Variants in HECW2 observed in about 807,000 individuals in gnomAD.
The protein encoded by HECW2 is HECT, C2 and WW domain containing E3 ubiquitin protein ligase 2.
A neutral mutation model predicts 175.2 loss-of-function variants in HECW2; 61 were observed. That is an observed-to-expected ratio of 0.35 (90% CI 0.28 to 0.43). HECW2 has a LOEUF of 0.43. Among genes scored for constraint, HECW2 ranks in the 20% least tolerant of loss-of-function variants. The pLI, the probability that HECW2 is intolerant of heterozygous loss-of-function variation, is 1.00. For missense variants in HECW2, 1,524 were observed against 2,000.5 expected, an observed-to-expected ratio of 0.76 and a Z score of 4.54; for synonymous variants, 671 against 731.0, an observed-to-expected ratio of 0.92 and a Z score of 1.32.
At chr2:196,568,005 AAAGT>A (rs1399108326) in intron 1 of HECW2, among the ~76,000 whole-genome samples, 5 of 152,174 alleles carry the variant, frequency 3.3e-5, no homozygotes, top group Admixed American at 2.6e-4. Flanking sequence ...ATCTAAAAAT[AAAGT>A]AATTAATAAA....
intron 2 of HECW2, among the ~76,000 whole-genome samples, chr2:196,432,056 G>A (rs1476612210): frequency 2.0e-5 from 3 of 152,204 alleles, no homozygotes; most frequent in African/African-American, 7.2e-5. Flanking sequence ...CACTGTGGAG[G>A]GAGGCTGTCC....
At chr2:196,432,491 T>A (rs907665584) in intron 2 of HECW2, among the ~76,000 whole-genome samples, 1 of 152,254 alleles carries the variant, frequency 6.6e-6, no homozygotes, top group African/African-American at 2.4e-5. Flanking sequence ...GTTTCATTCA[T>A]CGCTCACTCA....
intron 1 of HECW2, among the ~76,000 whole-genome samples, chr2:196,537,654 G>C (rs1054292179): frequency 6.6e-6 from 1 of 152,110 alleles, no homozygotes; most frequent in African/African-American, 2.4e-5. Context: ...TTGCTGGGCT[G>C]CATTCTCAGA....
intron 2 of HECW2, among the ~76,000 whole-genome samples, chr2:196,377,297 T>C (rs1403643521): frequency 6.6e-6 from 1 of 152,236 alleles, no homozygotes; most frequent in Non-Finnish European, 1.5e-5. Flanking sequence ...AACAATTGTA[T>C]TCTTGATATA....
intron 1 of HECW2, among the ~76,000 whole-genome samples, chr2:196,519,613 A>G (rs1262685671): frequency 6.6e-6 from 1 of 152,250 alleles, no homozygotes; most frequent in East Asian, 1.9e-4. Context: ...GCAAAAAGGT[A>G]AAAGCTTCCC....
intron 18 of HECW2, among the ~76,000 whole-genome samples, chr2:196,255,927 G>T (rs1287275693): frequency 6.6e-6 from 1 of 152,016 alleles, no homozygotes; most frequent in Non-Finnish European, 1.5e-5. Context: ...CAAAAAATTA[G>T]CCGGGCGTGG....
intron 17 of HECW2, among the ~76,000 whole-genome samples, chr2:196,270,785 T>C (rs764232560): frequency 6.6e-6 from 1 of 152,040 alleles, no homozygotes; most frequent in African/African-American, 2.4e-5. Flanking sequence ...CACTGCAACC[T>C]CCACCTCCCA....
At chr2:196,286,765 A>T (rs1013513053) in intron 14 of HECW2, among the ~76,000 whole-genome samples, 3 of 152,252 alleles carry the variant, frequency 2.0e-5, no homozygotes, top group Admixed American at 1.3e-4. Flanking sequence ...CACAAGAGGT[A>T]TCAGTTGTTT....
intron 2 of HECW2, among the ~76,000 whole-genome samples, chr2:196,417,566 T>G (rs1695288646): frequency 1.3e-5 from 2 of 152,140 alleles, no homozygotes; most frequent in African/African-American, 4.8e-5. Context: ...TGGCAAACAA[T>G]GCTGATTTTT....
intron 14 of HECW2, among the ~76,000 whole-genome samples, chr2:196,285,935 C>G (rs928016280): frequency 6.6e-6 from 1 of 152,176 alleles, no homozygotes; most frequent in Non-Finnish European, 1.5e-5. Context: ...GTCCCAAAAA[C>G]AGTCGGTTAG....
intron 21 of HECW2, among the ~76,000 whole-genome samples, 178 bp from the exon 22 acceptor site, chr2:196,228,432 A>G (rs1460199736): frequency 6.6e-6 from 1 of 152,238 alleles, no homozygotes; most frequent in Non-Finnish European, 1.5e-5. Context: ...GTCTTGACCC[A>G]GATTAGTAAA....
Position 196,377,254 on chromosome 2 carries a change from AT to A in HECW2, c.293-33491del, listed in dbSNP as rs990156250. 3.3e-5 allele frequency among the ~76,000 whole-genome samples: 5 copies of A among 152,238 alleles called. No homozygotes were observed. The East Asian group carries it at 9.6e-4, about 29-fold the overall frequency. ...GGCAAATTATATTATGGTCATTTTG[AT>A]TTTTTTGTCAGTTTTAAAGTTATCT... On this transcript the variant is annotated intron_variant, in intron 2 of 28. Coordinates refer to ENST00000644978, the MANE Select transcript of HECW2 (RefSeq NM_001348768.2).
Position 196,223,334 on chromosome 2 carries a change from G to A in HECW2, c.4017-994C>T, listed in dbSNP as rs78908631. Among the ~76,000 whole-genome samples the A allele has an allele frequency of 1.6e-3, 241 of 152,328 alleles. 2 individuals carry two copies. The highest frequency in any genetic ancestry group is 5.2e-3 in the African/African-American group (215 of 41,578). ...GGGATTTAGGTGTCAGAGCACACATGAGGGGCCTTTTCTTTGACTGAGAGA... is the reference window on the plus strand; with the variant it reads ...GGGATTTAGGTGTCAGAGCACACATAAGGGGCCTTTTCTTTGACTGAGAGA... On this transcript the variant is annotated intron_variant, in intron 23 of 28. Coordinates refer to ENST00000644978, the MANE Select transcript of HECW2 (RefSeq NM_001348768.2).
intron 1 of HECW2, among the ~76,000 whole-genome samples, chr2:196,526,499 A>C (rs1688654461): frequency 6.6e-6 from 1 of 152,022 alleles, no homozygotes; most frequent in South Asian, 2.1e-4. Flanking sequence ...TTCTCCATCC[A>C]GCTTTGTTCC....
intron 2 of HECW2, among the ~76,000 whole-genome samples, chr2:196,412,768 T>A (rs1211444675): frequency 6.6e-6 from 1 of 152,178 alleles, no homozygotes; most frequent in Non-Finnish European, 1.5e-5. Flanking sequence ...AAAACCAGTA[T>A]CCCTGCCAAA....
rs756191963 is a variant in HECW2, at chr2:196,319,292, A to G, written c.1598T>C (p.Leu533Pro). The G allele has an allele frequency of 1.2e-6, 2 of 1,612,176 alleles. No individual in the cohort carries two copies. Among genetic ancestry groups the G allele is most frequent in the East Asian group, 4.5e-5 (2 of 44,880 alleles). ...TAAGGAGCTCTCTGCAAGCTCTGGAAGATTTTCTGGCTTATCCTCAAAGGA... is the reference window on the plus strand; with the variant it reads ...TAAGGAGCTCTCTGCAAGCTCTGGAGGATTTTCTGGCTTATCCTCAAAGGA... Reference protein sequence around the residue: ...AASFEDKPENLPELAESSLPA... With the variant: ...AASFEDKPENPPELAESSLPA... Residue 533 changes from leucine (L) to proline (P), a missense_variant, in exon 9 of 29, where the codon CTT becomes CCT. Transcript: ENST00000644978.
intron 21 of HECW2, among the ~76,000 whole-genome samples, chr2:196,237,780 G>C (rs1333514304): frequency 6.6e-6 from 1 of 152,104 alleles, no homozygotes; most frequent in Non-Finnish European, 1.5e-5. Context: ...TGTCCATTGG[G>C]AACTCTTTCA....
chr2:196,306,659 T>C, intron 12 of HECW2, 47 bp from the exon 13 acceptor site: 1 of 1,552,070 alleles, frequency 6.4e-7, no homozygotes, highest in Non-Finnish European at 8.7e-7. Flanking sequence ...CTTTCTATGA[T>C]GTGAAAACTA....
intron 13 of HECW2, among the ~76,000 whole-genome samples, chr2:196,297,245 C>T (rs1203227376): frequency 6.6e-6 from 1 of 152,188 alleles, no homozygotes; most frequent in African/African-American, 2.4e-5. Context: ...TATTCCTTCT[C>T]AATTCCAAAA....
Sources: gnomAD v4.1 joint callset for allele counts (sites outside exome capture counted in the v4.1 genomes callset) on GRCh38, gnomAD v4.1.1 for gene constraint, MANE v1.5 for transcripts, NCBI Gene and HGNC (gene_info 2026-07-23, HGNC 2026-07-21) for gene names.